KCNH7: variants seen among roughly 807,000 people sequenced by gnomAD.
KCNH7 encodes the protein potassium voltage-gated channel subfamily H member 7, also known as voltage-gated inwardly rectifying potassium channel KCNH7.
In KCNH7, 49 loss-of-function variants were observed where a neutral mutation model predicts 120.8. The ratio of observed to expected loss-of-function variants is 0.41; its 90% CI spans 0.32 to 0.51. KCNH7 has a LOEUF of 0.51. Ranked by LOEUF, KCNH7 falls within the 20% of genes least tolerant of loss-of-function variation. The pLI, the probability that KCNH7 is intolerant of heterozygous loss-of-function variation, is 0.38. For missense variants in KCNH7, 1,097 were observed against 1,446.6 expected (o/e 0.76, Z 3.92); for synonymous variants, 547 against 516.1 (o/e 1.06, Z -0.81).
intron 2 of KCNH7, among the ~76,000 whole-genome samples, chr2:162,738,067 CAAA>C (rs58433565): frequency 0.06 from 3,362 of 55,994 alleles, 104 homozygotes; most frequent in African/African-American, 0.16. Flanking sequence ...GACTTCATAT[CAAA>C]AAAAAAAAAA....
intron 2 of KCNH7, among the ~76,000 whole-genome samples, chr2:162,622,314 G>A (rs767971949): frequency 2.6e-5 from 4 of 152,196 alleles, no homozygotes; most frequent in Non-Finnish European, 4.4e-5. Context: ...TTTGCGAGCA[G>A]TGAGGGAAAA....
intron 6 of KCNH7, among the ~76,000 whole-genome samples, chr2:162,493,282 T>A (rs1462047826): frequency 6.6e-6 from 1 of 152,122 alleles, no homozygotes; most frequent in African/African-American, 2.4e-5. Context: ...ATGTGTTAGA[T>A]GTGTGATGGT....
intron 6 of KCNH7, among the ~76,000 whole-genome samples, chr2:162,460,524 A>G (rs1689114387): frequency 1.3e-5 from 2 of 152,166 alleles, no homozygotes; most frequent in African/African-American, 4.8e-5. Flanking sequence ...CAGAGACAGA[A>G]ACCCAGGAAG....
At chr2:162,593,698 AG>A (rs1694287274) in intron 2 of KCNH7, among the ~76,000 whole-genome samples, 1 of 152,052 alleles carries the variant, frequency 6.6e-6, no homozygotes, top group South Asian at 2.1e-4. Flanking sequence ...AAAATAATAC[AG>A]CCATGAACCT....
chr2:162,566,180 A>G (rs561465505), intron 2 of KCNH7, among the ~76,000 whole-genome samples: 1 of 152,014 alleles, frequency 6.6e-6, no homozygotes, highest in Non-Finnish European at 1.5e-5. Context: ...CTCAAAAAAA[A>G]GCATCTGTTG....
chr2:162,566,512 C>A (rs1482991062), intron 2 of KCNH7, among the ~76,000 whole-genome samples: 1 of 151,954 alleles, frequency 6.6e-6, no homozygotes, highest in Non-Finnish European at 1.5e-5. Flanking sequence ...AAAATATGAT[C>A]ATTAAGTGCA....
intron 6 of KCNH7, among the ~76,000 whole-genome samples, chr2:162,452,355 T>C (rs1454059796): frequency 6.6e-6 from 1 of 152,076 alleles, no homozygotes; most frequent in African/African-American, 2.4e-5. Flanking sequence ...AAAAAAGAAA[T>C]AGGTTTACAA....
At chr2:162,447,247 C>T (rs938268748) in intron 6 of KCNH7, among the ~76,000 whole-genome samples, 1 of 151,918 alleles carries the variant, frequency 6.6e-6, no homozygotes, top group African/African-American at 2.4e-5. Flanking sequence ...AAACAGTTCA[C>T]CTTTTAGAGT....
chr2:162,729,683 G>C (rs577283782), intron 2 of KCNH7, among the ~76,000 whole-genome samples: 1 of 152,232 alleles, frequency 6.6e-6, no homozygotes, highest in South Asian at 2.1e-4. Context: ...AGTAATAAGA[G>C]TGGACATTCT....
At chr2:162,702,172 C>A (rs1686533471) in intron 2 of KCNH7, among the ~76,000 whole-genome samples, 1 of 151,992 alleles carries the variant, frequency 6.6e-6, no homozygotes, top group Non-Finnish European at 1.5e-5. Context: ...AAATAATAAT[C>A]AGCAAGAATG....
chr2:162,794,356 T>C (rs1393225973), intron 2 of KCNH7, among the ~76,000 whole-genome samples: 1 of 152,010 alleles, frequency 6.6e-6, no homozygotes, highest in Non-Finnish European at 1.5e-5. Context: ...TAACTGAGCA[T>C]GCAATCTACT....
chr2:162,431,462 CA>C (rs1688064703), intron 8 of KCNH7, among the ~76,000 whole-genome samples: 1 of 151,864 alleles, frequency 6.6e-6, no homozygotes, highest in Non-Finnish European at 1.5e-5. Flanking sequence ...CTATATACAT[CA>C]AAATGGGTAC....
chr2:162,411,045 T>C (rs898127124), intron 9 of KCNH7, among the ~76,000 whole-genome samples: 29 of 152,092 alleles, frequency 1.9e-4, no homozygotes, highest in Non-Finnish European at 3.1e-4. Flanking sequence ...AATGTAGAGA[T>C]TTCTCAAAGA....
At chr2:162,714,286 A>G (rs1302809409) in intron 2 of KCNH7, among the ~76,000 whole-genome samples, 1 of 152,170 alleles carries the variant, frequency 6.6e-6, no homozygotes, top group Non-Finnish European at 1.5e-5. Flanking sequence ...AAAATTTTGC[A>G]GGCAACAACT....
chr2:162,534,905 T>C (rs1187027575), intron 3 of KCNH7, among the ~76,000 whole-genome samples: 9 of 151,658 alleles, frequency 5.9e-5, no homozygotes, highest in Admixed American at 5.9e-4. Flanking sequence ...ATGAAACATA[T>C]CATGTCCAAA....
At chr2:162,655,217 ACAT>A (rs1401082420) in intron 2 of KCNH7, among the ~76,000 whole-genome samples, 3 of 152,286 alleles carry the variant, frequency 2.0e-5, no homozygotes, top group African/African-American at 7.2e-5. Context: ...GTATTTCAAA[ACAT>A]CATGTACATA....
chr2:162,823,140 T>C (rs1187410028), intron 2 of KCNH7, among the ~76,000 whole-genome samples: 1 of 152,178 alleles, frequency 6.6e-6, no homozygotes, highest in Non-Finnish European at 1.5e-5. Context: ...AGCTGCTATG[T>C]ACTACTTTTG....
chr2:162,536,403 T>C (rs1254169878), intron 3 of KCNH7, among the ~76,000 whole-genome samples: 1 of 151,918 alleles, frequency 6.6e-6, no homozygotes, highest in Non-Finnish European at 1.5e-5. Context: ...CTTATGATAA[T>C]GACAATAGTT....
At chr2:162,481,888 C>T (rs1240316964) in intron 6 of KCNH7, among the ~76,000 whole-genome samples, 1 of 152,080 alleles carries the variant, frequency 6.6e-6, no homozygotes, top group Non-Finnish European at 1.5e-5. Context: ...ATGATCCTAC[C>T]TCTGAAGGCA....
Sources: allele counts gnomAD v4.1 joint callset (sites outside exome capture counted in the v4.1 genomes callset), GRCh38; gene constraint gnomAD v4.1.1; transcripts MANE v1.5; gene names NCBI Gene and HGNC (gene_info 2026-07-23, HGNC 2026-07-21).